The following ARPC2 variants were observed in gnomAD, a reference collection of about 807,000 sequenced individuals.
ARPC2 encodes actin-related protein 2/3 complex subunit 2.
ARPC2 carries 4 observed loss-of-function variants against 38.6 expected under a neutral mutation model. That is an observed-to-expected ratio of 0.10 (90% CI 0.05 to 0.24). The LOEUF (loss-of-function observed/expected upper bound fraction) is 0.24, where lower values mean the gene tolerates loss of function less well. Among genes scored for constraint, ARPC2 ranks in the 10% least tolerant of loss-of-function variants. ARPC2 has a pLI of 1.00. For missense variants in ARPC2, 229 were observed against 387.3 expected, an observed-to-expected ratio of 0.59 and a Z score of 3.43; for synonymous variants, 125 against 140.8, an observed-to-expected ratio of 0.89 and a Z score of 0.79.
intron 7 of ARPC2, among the ~76,000 whole-genome samples, chr2:218,242,494 T>G (rs1296465166): frequency 1.3e-5 from 2 of 152,232 alleles, no homozygotes; most frequent in East Asian, 3.8e-4. Flanking sequence ...TCTGCCTGTT[T>G]GCATGTGTGG....
At chr2:218,234,463 T>G (rs185123670) in intron 5 of ARPC2, 66 bp downstream of exon 5, 2 of 1,247,046 alleles carry the variant, frequency 1.6e-6, no homozygotes, top group African/African-American at 3.0e-5. Context: ...ATATTATGCT[T>G]TTTTTACCCA....
intron 7 of ARPC2, among the ~76,000 whole-genome samples, chr2:218,240,249 A>C (rs1200143133): frequency 6.6e-6 from 1 of 152,088 alleles, no homozygotes; most frequent in African/African-American, 2.4e-5. Context: ...CACCGCGCCC[A>C]GCCTGATATT....
intron 2 of ARPC2, among the ~76,000 whole-genome samples, chr2:218,223,528 T>C (rs1043054849): frequency 6.6e-6 from 1 of 152,214 alleles, no homozygotes; most frequent in Non-Finnish European, 1.5e-5. Context: ...TCCACACTTT[T>C]ATTTATCCAC....
intron 7 of ARPC2, 63 bp from the exon 8 acceptor site, chr2:218,245,357 G>A (rs573168107): frequency 1.2e-6 from 2 of 1,606,464 alleles, no homozygotes; most frequent in East Asian, 2.2e-5. Context: ...AAACCCTATA[G>A]CTTGAGTTGC....
chr2:218,253,967 C>G lies in ARPC2; in HGVS notation c.*52C>G, dbSNP rs1232680027. 5 of 1,608,038 alleles carry G rather than the reference C, an allele frequency of 3.1e-6. No homozygotes were observed. The highest frequency in any genetic ancestry group is 1.1e-5 in the South Asian group (1 of 90,894). ...TGGCAACTGAAGGCTGGAACACTTG[C>G]TACTGGATAATCGTAGCTTTTAATG... On this transcript the variant is annotated 3_prime_UTR_variant, in exon 11 of 11. Coordinates refer to ENST00000315717, the MANE Select transcript of ARPC2 (RefSeq NM_152862.3).
chr2:218,247,422 T>G (rs1220808509), intron 8 of ARPC2, among the ~76,000 whole-genome samples: 1 of 152,220 alleles, frequency 6.6e-6, no homozygotes, highest in Non-Finnish European at 1.5e-5. Context: ...GTGAACCTGT[T>G]TATTGGTGAT....
At chr2:218,228,615 T>A (rs1327906732) in intron 3 of ARPC2, 123 bp from the exon 4 acceptor site, 1 of 533,990 alleles carries the variant, frequency 1.9e-6, no homozygotes, top group South Asian at 2.5e-5. Context: ...TTAAAATAAG[T>A]TCCATTTTAC....
At chr2:218,249,710 A>G (rs1690134591) in intron 9 of ARPC2, 111 bp from the exon 10 acceptor site, 9 of 1,066,192 alleles carry the variant, frequency 8.4e-6, no homozygotes, top group Admixed American at 5.1e-5. Context: ...GCCTGGGTCA[A>G]TCCCAGGGTG....
At chr2:218,224,091 A>T (rs934408306) in intron 2 of ARPC2, among the ~76,000 whole-genome samples, 1 of 152,184 alleles carries the variant, frequency 6.6e-6, no homozygotes, top group Non-Finnish European at 1.5e-5. Flanking sequence ...AATGAATGTG[A>T]TTTGACAAAT....
chr2:218,249,195 G>A (rs1411190410), intron 8 of ARPC2, among the ~76,000 whole-genome samples, 169 bp from the exon 9 acceptor site: 1 of 152,150 alleles, frequency 6.6e-6, no homozygotes, highest in African/African-American at 2.4e-5. Context: ...TCCTGGCCAT[G>A]CTGTTTAACT....
At chr2:218,218,433 C>T (rs942162771) in intron 2 of ARPC2, among the ~76,000 whole-genome samples, 1 of 152,266 alleles carries the variant, frequency 6.6e-6, no homozygotes, top group African/African-American at 2.4e-5. Flanking sequence ...CTCTGCCAAA[C>T]ACAAGAATCA....
chr2:218,228,280 G>C (rs747467067), intron 3 of ARPC2, among the ~76,000 whole-genome samples: 1 of 152,076 alleles, frequency 6.6e-6, no homozygotes, highest in Non-Finnish European at 1.5e-5. Flanking sequence ...GCACATGCCT[G>C]TAGTCCCAGC....
intron 7 of ARPC2, among the ~76,000 whole-genome samples, chr2:218,240,754 G>A (rs1263688137): frequency 6.6e-6 from 1 of 152,144 alleles, no homozygotes; most frequent in African/African-American, 2.4e-5. Context: ...TTAGCCGGGT[G>A]TGGTGGCAGG....
At chr2:218,236,952 C>G (rs576424269) in intron 5 of ARPC2, among the ~76,000 whole-genome samples, 4 of 152,148 alleles carry the variant, frequency 2.6e-5, no homozygotes, top group Admixed American at 2.6e-4. Flanking sequence ...TAGAAATATT[C>G]TTGCAAAAAC....
intron 10 of ARPC2, chr2:218,252,950 CT>C (rs1690229292): frequency 4.4e-6 from 2 of 456,694 alleles, no homozygotes; most frequent in Non-Finnish European, 8.8e-6. Context: ...TGCAGCTTCT[CT>C]TTGGCAGAGT....
In ARPC2 at chr2:218,238,889, G is replaced by T. The variant is rs192749243; in HGVS notation, c.455+39G>T. The T allele has an allele frequency of 3.3e-3, 4,914 of 1,469,428 alleles. 5 individuals carry two copies. The highest frequency in any genetic ancestry group is 4.1e-3 in the Non-Finnish European group (4,396 of 1,062,978). 91.0% of individuals were successfully genotyped at this position (1,469,428 alleles called of 1,614,324 possible). A position where few individuals can be genotyped will look rare whatever the true frequency, so the allele number is the denominator to read the frequency against. On this transcript the variant is annotated intron_variant, in intron 6 of 10. Coordinates refer to ENST00000315717, the MANE Select transcript of ARPC2 (RefSeq NM_152862.3). ...TTGGTCCTGAAGCCTGGATATGGCT[G>T]CTACACCACCATGGCACTTACTGAA...
chr2:218,246,349 A>T (rs886822989), intron 8 of ARPC2, among the ~76,000 whole-genome samples: 5 of 150,382 alleles, frequency 3.3e-5, no homozygotes, highest in African/African-American at 9.8e-5. Flanking sequence ...ATGGTGAAAC[A>T]CTCCGTCTCT....
chr2:218,248,182 A>C (rs768102154), intron 8 of ARPC2, among the ~76,000 whole-genome samples: 2 of 152,218 alleles, frequency 1.3e-5, no homozygotes, highest in Non-Finnish European at 2.9e-5. Context: ...CTTGTGGTAC[A>C]TAAAATTATG....
intron 4 of ARPC2, among the ~76,000 whole-genome samples, chr2:218,230,012 C>T (rs1474786502): frequency 6.6e-6 from 1 of 151,900 alleles, no homozygotes; most frequent in Non-Finnish European, 1.5e-5. Flanking sequence ...CTCTGTTGCC[C>T]CAGGCTGTAC....
Sources: gnomAD v4.1 joint callset for allele counts (sites outside exome capture counted in the v4.1 genomes callset) on GRCh38, gnomAD v4.1.1 for gene constraint, MANE v1.5 for transcripts, NCBI Gene and HGNC (gene_info 2026-07-23, HGNC 2026-07-21) for gene names.